Variants in HIPK2 observed in about 807,000 individuals in gnomAD.
HIPK2 encodes the protein homeodomain-interacting protein kinase 2.
HIPK2 carries 27 observed loss-of-function variants against 113.7 expected under a neutral mutation model. The ratio of observed to expected loss-of-function variants is 0.24; its 90% CI spans 0.17 to 0.33. HIPK2 has a LOEUF of 0.33. HIPK2 is among the 10% of genes least tolerant of loss of function. The probability of loss-of-function intolerance (pLI) is 1.00; values close to 1 mark genes in which losing one functional copy is unlikely to be tolerated. For synonymous variants in HIPK2, 631 were observed against 642.2 expected (o/e 0.98, Z 0.26); for missense variants, 1,257 against 1,588.0 (o/e 0.79, Z 3.54).
intron 1 of HIPK2, among the ~76,000 whole-genome samples, chr7:139,770,073 C>T (rs1404446105): frequency 1.3e-5 from 2 of 152,314 alleles, no homozygotes; most frequent in East Asian, 1.9e-4. Context: ...CCCTGCTATC[C>T]GCTCAGATTC....
intron 1 of HIPK2, among the ~76,000 whole-genome samples, chr7:139,724,187 G>T (rs1341786044): frequency 6.6e-6 from 1 of 152,024 alleles, no homozygotes; most frequent in Non-Finnish European, 1.5e-5. Context: ...CCTAGAAAGG[G>T]TTAATCTGTA....
At chr7:139,731,332 C>T (rs1383725808) in intron 1 of HIPK2, among the ~76,000 whole-genome samples, 3 of 152,238 alleles carry the variant, frequency 2.0e-5, no homozygotes, top group African/African-American at 7.2e-5. Context: ...TGCCAGGGCA[C>T]TATACACCTC....
At chr7:139,574,977 C>T (rs1798437164) in intron 14 of HIPK2, 151 bp downstream of exon 14, 1 of 1,058,166 alleles carries the variant, frequency 9.5e-7, no homozygotes, top group East Asian at 2.6e-5. Flanking sequence ...GAAAAAGCCA[C>T]CAGAGGTCAC....
At chr7:139,582,571 A>C (rs1317909651) in intron 13 of HIPK2, among the ~76,000 whole-genome samples, 1 of 152,272 alleles carries the variant, frequency 6.6e-6, no homozygotes, top group Non-Finnish European at 1.5e-5. Context: ...GCATTTCACA[A>C]GCATTTCTTC....
At chr7:139,774,294 T>C (rs1031981054) in intron 1 of HIPK2, among the ~76,000 whole-genome samples, 3 of 152,166 alleles carry the variant, frequency 2.0e-5, no homozygotes, top group African/African-American at 7.2e-5. Flanking sequence ...CTAATGGAGT[T>C]CCTGCACAGT....
At position 139,602,080 on chromosome 7, in the gene HIPK2, G is replaced by C. The variant is rs1018930538; in HGVS notation, c.2256-1484C>G. Among the ~76,000 whole-genome samples the C allele has an allele frequency of 2.0e-5, 3 of 151,560 alleles. 1 individual carries two copies. The highest frequency in any genetic ancestry group is 2.0e-4 in the Admixed American group (3 of 15,190). ...CGATTCTCCTGCCTCAGCCTCCCGA[G>C]TAGCTGGGATTACAGGCGTGCACTG... On this transcript the variant is annotated intron_variant, in intron 10 of 14. Transcript: ENST00000406875.
rs765904905 is a variant in HIPK2, at chr7:139,621,924, G to GAA, written c.1620-1362_1620-1361insTT. Among the ~76,000 whole-genome samples, 557 of 83,962 alleles carry GAA rather than the reference G, an allele frequency of 6.6e-3. 9 individuals carry two copies. Among genetic ancestry groups the GAA allele is most frequent in the African/African-American group, 0.027 (510 of 18,982 alleles). The allele number at this position is 83,962 out of a possible 152,430, so 55.1% of individuals were successfully genotyped here. A position where few individuals can be genotyped will look rare whatever the true frequency, so the allele number is the denominator to read the frequency against. On this transcript the variant is annotated intron_variant, in intron 6 of 14. Transcript: ENST00000406875. ...GGTGACAGGGTGAGACCCTGTCTCA[G>GAA]GAAAAAAAAAAAAAAAAAAATTAAA...
intron 2 of HIPK2, among the ~76,000 whole-genome samples, chr7:139,656,492 C>T (rs570951722): frequency 6.6e-6 from 1 of 152,342 alleles, no homozygotes; most frequent in South Asian, 2.1e-4. Context: ...ACTCCCTTGG[C>T]CTGGGCCCGA....
In HIPK2 at chr7:139,575,175, G is replaced by A. The variant is rs762529690; in HGVS notation, c.3079C>T (p.Arg1027Trp). 15 of 1,591,910 alleles carry A rather than the reference G, an allele frequency of 9.4e-6. No individual in the cohort carries two copies. Among genetic ancestry groups the A allele is most frequent in the African/African-American group, 6.7e-5 (5 of 74,586 alleles). Residue 1027 changes from arginine to tryptophan, a missense_variant, in exon 14 of 15, where the codon CGG becomes TGG. Arg to Trp is a moderately radical substitution (Grantham distance 101). Coordinates refer to ENST00000406875, the MANE Select transcript of HIPK2 (RefSeq NM_022740.5). The stretch of plus-strand genomic sequence containing the variant: ...TGCTGCTGGAAGTGGGGGCCCGGCC[G>A]CTGCTGCCGGTAGGTGATGGCTCCA... ...SSGAITYRQQRPGPHFQQQQP... is the reference protein window; with the variant it reads ...SSGAITYRQQWPGPHFQQQQP...
intron 13 of HIPK2, among the ~76,000 whole-genome samples, chr7:139,580,724 A>G (rs1326557005): frequency 6.6e-6 from 1 of 152,224 alleles, no homozygotes; most frequent in Non-Finnish European, 1.5e-5. Flanking sequence ...CTGTGCCTCC[A>G]TTTTTAACCT....
At chr7:139,729,130 C>T (rs1372716851) in intron 1 of HIPK2, among the ~76,000 whole-genome samples, 1 of 152,068 alleles carries the variant, frequency 6.6e-6, no homozygotes, top group Non-Finnish European at 1.5e-5. Context: ...TCAAGACCAA[C>T]CTGGGCAACA....
In HIPK2 at chr7:139,572,769, C is replaced by T. The variant is rs778842577; in HGVS notation, c.*158G>A. 1 of 61,438 alleles carries T rather than the reference C, an allele frequency of 1.6e-5. No homozygotes were observed. The highest frequency in any genetic ancestry group is 3.7e-5 in the Non-Finnish European group (1 of 27,226). 3.8% of individuals were successfully genotyped at this position (61,438 alleles called of 1,614,324 possible). The stretch of plus-strand genomic sequence containing the variant: ...GACCCGTCCCCCTGCCCTCTGCCCC[C>T]CCCCCCCCCCCCGCCCCTGCCCCGT... On this transcript the variant is annotated 3_prime_UTR_variant, in exon 15 of 15. Coordinates refer to ENST00000406875, the MANE Select transcript of HIPK2 (RefSeq NM_022740.5).
chr7:139,584,007 G>A lies in HIPK2; in HGVS notation c.2775C>T (p.Pro925=). Residue 925 remains proline (P), a synonymous_variant, in exon 13 of 15, where the codon CCC becomes CCT. Coordinates refer to ENST00000406875, the MANE Select transcript of HIPK2 (RefSeq NM_022740.5). ...TGGTGTTGCTGGAGGAGTCGGAGTA[G>A]GGGGAGTCGTGGACTGTGACACAGC... is the stretch of plus-strand genomic sequence containing the variant. The part of the protein sequence containing the change: ...VISCVTVHDS[P]YSDSSSNTSP... 2.5e-6 allele frequency: 4 copies of A among 1,613,438 alleles called. No individual in the cohort carries two copies. Among genetic ancestry groups the A allele is most frequent in the Non-Finnish European group, 3.4e-6 (4 of 1,179,522 alleles).
rs1796803625 is a variant in HIPK2 at position 139,777,595 on chromosome 7, C to T, written c.19+10G>A. On this transcript the variant is annotated intron_variant, in intron 1 of 14. Coordinates refer to ENST00000406875, the MANE Select transcript of HIPK2 (RefSeq NM_022740.5). ...CGGGCGCGGGGTCGGCGGGGCCGGG[C>T]GCCCCTTACCTTCGTACACGGGGGC... is the stretch of plus-strand genomic sequence containing the variant. 2.8e-6 allele frequency: 3 copies of T among 1,052,756 alleles called. No homozygotes were observed. 65.2% of individuals were successfully genotyped at this position (1,052,756 alleles called of 1,614,324 possible). A position where few individuals can be genotyped will look rare whatever the true frequency, so the allele number is the denominator to read the frequency against.
rs139429556 is a variant in HIPK2, at chr7:139,691,230, C to A, written c.1103+24702G>T. The stretch of plus-strand genomic sequence containing the variant: ...AGCTGCAGAGCTGGTTTATATGTCT[C>A]TATAGTTCCATAGTTTCGATTGTGC... On this transcript the variant is annotated intron_variant, in intron 2 of 14. Coordinates refer to ENST00000406875, the MANE Select transcript of HIPK2 (RefSeq NM_022740.5). Among the ~76,000 whole-genome samples the A allele has an allele frequency of 1.4e-3, 209 of 152,284 alleles. 2 individuals are homozygous for A. The highest frequency in any genetic ancestry group is 4.9e-3 in the African/African-American group (205 of 41,556).
At chr7:139,687,683 T>C (rs972023963) in intron 2 of HIPK2, among the ~76,000 whole-genome samples, 7 of 152,328 alleles carry the variant, frequency 4.6e-5, no homozygotes, top group South Asian at 2.1e-4. Context: ...CTCACTAGGA[T>C]TGGTATGCCA....
chr7:139,773,066 G>A (rs889102474), intron 1 of HIPK2, among the ~76,000 whole-genome samples: 12 of 152,018 alleles, frequency 7.9e-5, no homozygotes, highest in Admixed American at 5.9e-4. Context: ...TTGTCATTTC[G>A]ACAAACCCAG....
At chr7:139,647,066 C>A (rs1180821235) in intron 2 of HIPK2, among the ~76,000 whole-genome samples, 1 of 152,098 alleles carries the variant, frequency 6.6e-6, no homozygotes, top group African/African-American at 2.4e-5. Context: ...TCCTACAACG[C>A]TAACTATGTC....
chr7:139,600,155 C>A (rs145351455), intron 11 of HIPK2, among the ~76,000 whole-genome samples: 1 of 152,176 alleles, frequency 6.6e-6, no homozygotes, highest in Non-Finnish European at 1.5e-5. Flanking sequence ...TGGAGTTGAG[C>A]CCAATCTCTC....
Sources: gnomAD v4.1 joint callset for allele counts (sites outside exome capture counted in the v4.1 genomes callset) on GRCh38, gnomAD v4.1.1 for gene constraint, MANE v1.5 for transcripts, NCBI Gene and HGNC (gene_info 2026-07-23, HGNC 2026-07-21) for gene names.